Variants in EPHA2 observed in about 807,000 individuals in gnomAD.
The protein encoded by EPHA2 is EPH receptor A2, also known as ephrin type-A receptor 2.
A neutral mutation model predicts 104.9 loss-of-function variants in EPHA2; 54 were observed. The ratio of observed to expected loss-of-function variants is 0.51; its 90% CI spans 0.41 to 0.65. The LOEUF is 0.65. EPHA2 is among the 30% of genes least tolerant of loss of function. The pLI, the probability that EPHA2 is intolerant of heterozygous loss-of-function variation, is 0.00. For missense variants in EPHA2, 1,117 were observed against 1,369.5 expected, an observed-to-expected ratio of 0.82 and a Z score of 2.91; for synonymous variants, 560 against 559.1, an observed-to-expected ratio of 1.00 and a Z score of -0.02.
chr1:16,150,373 G>C lies in EPHA2; in HGVS notation c.153+523C>G, dbSNP rs1412588174. Reference sequence around the variant, plus strand: ...CTGGTCACATCAGGACGGCATAGAGGGGAAGACCTGGGTGAGAATGAGGCA... The same window carrying C: ...CTGGTCACATCAGGACGGCATAGAGCGGAAGACCTGGGTGAGAATGAGGCA... On this transcript the variant is annotated intron_variant, in intron 2 of 16. Coordinates refer to ENST00000358432, the MANE Select transcript of EPHA2 (RefSeq NM_004431.5). This position sits in a 1 kb window ranked among gnomAD's most constrained non-coding sequence, Gnocchi z 4.8. Among the ~76,000 whole-genome samples, 1 of 152,194 alleles carries C rather than the reference G, an allele frequency of 6.6e-6. No individual in the cohort carries two copies. The highest frequency in any genetic ancestry group is 1.5e-5 in the Non-Finnish European group (1 of 68,020).
In EPHA2 at chr1:16,148,893, C is replaced by T. The variant is rs749562190; in HGVS notation, c.308G>A (p.Arg103His). The change falls in exon 3 of 17, where the codon CGT (arginine) becomes CAT (histidine). Residue 103 changes from arginine to histidine, a missense_variant. Coordinates refer to ENST00000358432, the MANE Select transcript of EPHA2 (RefSeq NM_004431.5). This position sits in a 1 kb window ranked among gnomAD's most constrained non-coding sequence, Gnocchi z 4.9. Reference sequence around the variant, plus strand: ...GCCACCAGGGAAGCTGTTGCAGTCACGTACAGTAAACTTGAGCTCAATGAA... The same window carrying T: ...GCCACCAGGGAAGCTGTTGCAGTCATGTACAGTAAACTTGAGCTCAATGAA... ...RIFIELKFTV[R>H]DCNSFPGGAS... 5.0e-6 allele frequency: 8 copies of T among 1,614,018 alleles called. No homozygotes were observed. The highest frequency in any genetic ancestry group is 4.5e-5 in the East Asian group (2 of 44,902).
chr1:16,139,933 G>A (rs183925882), intron 3 of EPHA2, among the ~76,000 whole-genome samples: 45 of 152,282 alleles, frequency 3.0e-4, no homozygotes, highest in African/African-American at 1.1e-3. Flanking sequence ...AAGACCCTGG[G>A]GACAACCTGG....
Position 16,137,908 on chromosome 1 carries a change from T to G in EPHA2, c.1257A>C (p.Ser419=). The change falls in exon 5 of 17, where the codon TCA becomes TCC. Residue 419 remains serine, a synonymous_variant. Coordinates refer to ENST00000358432, the MANE Select transcript of EPHA2 (RefSeq NM_004431.5). ...GGAAGCTGCGGCTGGTTACCAGGCC[T>G]GAGACGCCATTGCGGGCCTCCACGG... ...TFTVEARNGV[S]GLVTSRSFRT... 1.2e-6 allele frequency: 2 copies of G among 1,614,014 alleles called. No homozygotes were observed. Among genetic ancestry groups the G allele is most frequent in the African/African-American group, 2.7e-5 (2 of 75,064 alleles).
At position 16,148,274 on chromosome 1, in the gene EPHA2, GT is replaced by G. The variant is rs1284945894; in HGVS notation, c.823+103del. 6.9e-7 allele frequency: 1 copy of G among 1,442,696 alleles called. No homozygotes were observed. Among genetic ancestry groups the G allele is most frequent in the East Asian group, 2.3e-5 (1 of 44,104 alleles). The allele number at this position is 1,442,696 out of a possible 1,614,324, so 89.4% of individuals were successfully genotyped here. A position where few individuals can be genotyped will look rare whatever the true frequency, so the allele number is the denominator to read the frequency against. On this transcript the variant is annotated intron_variant, in intron 3 of 16. Transcript: ENST00000358432. The surrounding 1 kb of genome is among the most constrained non-coding windows in gnomAD (Gnocchi z 4.9). ...ATTTCCACTAACAGAACTAATGTGTGTCAAAGCAGGGATGAGCTTACCAAGA... is the reference window on the plus strand; with the variant it reads ...ATTTCCACTAACAGAACTAATGTGTGCAAAGCAGGGATGAGCTTACCAAGA...
Position 16,124,468 on chromosome 1 carries a change from T to A in EPHA2, c.*747A>T, listed in dbSNP as rs879068624. ...AACAAAATCTTTAACACTGACAGAATAGAAACTTATCCAAAAGGATGAGAG... is the reference window on the plus strand; with the variant it reads ...AACAAAATCTTTAACACTGACAGAAAAGAAACTTATCCAAAAGGATGAGAG... On this transcript the variant is annotated 3_prime_UTR_variant, in exon 17 of 17. Coordinates refer to ENST00000358432, the MANE Select transcript of EPHA2 (RefSeq NM_004431.5). 1.3e-5 allele frequency: 2 copies of A among 152,566 alleles called. No individual in the cohort carries two copies. Among genetic ancestry groups the A allele is most frequent in the Non-Finnish European group, 1.5e-5 (1 of 68,012 alleles). 9.5% of individuals were successfully genotyped at this position (152,566 alleles called of 1,614,324 possible). A position where few individuals can be genotyped will look rare whatever the true frequency, so the allele number is the denominator to read the frequency against.
In EPHA2 at chr1:16,135,158, G is replaced by C; in HGVS notation, c.1460C>G (p.Thr487Ser). 1 of 1,614,000 alleles carries C rather than the reference G, an allele frequency of 6.2e-7. No homozygotes were observed. Among genetic ancestry groups the C allele is most frequent in the Non-Finnish European group, 8.5e-7 (1 of 1,180,008 alleles). Reference sequence around the variant, plus strand: ...GTCCAGGGTCACGGAGAAACCCTCGGTGCGGCGCACATTGTAGCTGTTGGA... The same window carrying C: ...GTCCAGGGTCACGGAGAAACCCTCGCTGCGGCGCACATTGTAGCTGTTGGA... ...GDSNSYNVRR[T>S]EGFSVTLDDL... is the part of the protein sequence containing the mutation. Residue 487 changes from threonine (T) to serine (S), a missense_variant, in exon 7 of 17, where the codon ACC (threonine) becomes AGC (serine). By Grantham distance (58) the Thr-to-Ser change is moderately conservative. This residue lies in a region of EPHA2 where 664 missense variants were observed against 784.8 expected (regional missense o/e 0.85). Coordinates refer to ENST00000358432, the MANE Select transcript of EPHA2 (RefSeq NM_004431.5). This position sits in a 1 kb window ranked among gnomAD's most constrained non-coding sequence, Gnocchi z 4.3.
intron 15 of EPHA2, among the ~76,000 whole-genome samples, chr1:16,129,878 C>T (rs878883931): frequency 6.6e-6 from 1 of 152,240 alleles, no homozygotes; most frequent in Non-Finnish European, 1.5e-5. Flanking sequence ...CCTGAGGTCA[C>T]AATCCCAGCC....
At chr1:16,140,860 CA>C (rs1242798696) in intron 3 of EPHA2, among the ~76,000 whole-genome samples, 3 of 152,158 alleles carry the variant, frequency 2.0e-5, no homozygotes, top group African/African-American at 7.2e-5. Context: ...CTCGGCCTCC[CA>C]AAGTGCTGGG....
In EPHA2 at chr1:16,155,958, T is replaced by C; in HGVS notation, c.-26A>G. On this transcript the variant is annotated 5_prime_UTR_variant, in exon 1 of 17. Transcript: ENST00000358432. ...GCCGCGCTTCTCGCTCTCGGTCCGA[T>C]CCCCCCGAGCCCGGCTCCCGCACAC... 6.8e-7 allele frequency: 1 copy of C among 1,480,100 alleles called. No homozygotes were observed. The highest frequency in any genetic ancestry group is 8.9e-7 in the Non-Finnish European group (1 of 1,122,306). The allele number at this position is 1,480,100 out of a possible 1,614,324, so 91.7% of individuals were successfully genotyped here.
At chr1:16,147,546 G>GT (rs1029947346) in intron 3 of EPHA2, among the ~76,000 whole-genome samples, 2 of 151,890 alleles carry the variant, frequency 1.3e-5, no homozygotes, top group African/African-American at 4.8e-5. Context: ...GTACTCCACC[G>GT]TGGGACCACA....
At chr1:16,147,503 G>A (rs1474399605) in intron 3 of EPHA2, among the ~76,000 whole-genome samples, 3 of 152,034 alleles carry the variant, frequency 2.0e-5, no homozygotes, top group Non-Finnish European at 4.4e-5. Flanking sequence ...AGGCCACATA[G>A]TGAGCTGATA....
chr1:16,150,336 C>T lies in EPHA2; in HGVS notation c.153+560G>A, dbSNP rs1230797504. On this transcript the variant is annotated intron_variant, in intron 2 of 16. Transcript: ENST00000358432. This position sits in a 1 kb window ranked among gnomAD's most constrained non-coding sequence, Gnocchi z 4.8. ...CAGCCAGGGGAAGAACCCCCAGCCCCTGCCCCCATTCCTGGTCACATCAGG... is the reference window on the plus strand; with the variant it reads ...CAGCCAGGGGAAGAACCCCCAGCCCTTGCCCCCATTCCTGGTCACATCAGG... Among the ~76,000 whole-genome samples, 1 of 152,204 alleles carries T rather than the reference C, an allele frequency of 6.6e-6. No individual in the cohort carries two copies. Among genetic ancestry groups the T allele is most frequent in the Non-Finnish European group, 1.5e-5 (1 of 68,036 alleles).
At chr1:16,139,863 T>C (rs2124233861) in intron 3 of EPHA2, among the ~76,000 whole-genome samples, 1 of 152,240 alleles carries the variant, frequency 6.6e-6, no homozygotes, top group South Asian at 2.1e-4. Flanking sequence ...GGAGGTCTGA[T>C]GTGGAGAAGT....
chr1:16,134,912 C>A lies in EPHA2; in HGVS notation c.1582+124G>T. On this transcript the variant is annotated intron_variant, in intron 7 of 16. Coordinates refer to ENST00000358432, the MANE Select transcript of EPHA2 (RefSeq NM_004431.5). This position sits in a 1 kb window ranked among gnomAD's most constrained non-coding sequence, Gnocchi z 4.5. ...TGGGGGCAGTCCCCGAAGGGCTGTC[C>A]CAGGCCGCCGGTGACCGAGAAAGGG... is the stretch of plus-strand genomic sequence containing the variant. 1 of 1,497,924 alleles carries A rather than the reference C, an allele frequency of 6.7e-7. No individual in the cohort carries two copies. The highest frequency in any genetic ancestry group is 9.0e-7 in the Non-Finnish European group (1 of 1,106,324). The allele number at this position is 1,497,924 out of a possible 1,614,324, so 92.8% of individuals were successfully genotyped here.
chr1:16,132,860 G>A (rs1285546525), intron 11 of EPHA2, among the ~76,000 whole-genome samples: 18 of 131,400 alleles, frequency 1.4e-4, no homozygotes, highest in Admixed American at 5.9e-4. Flanking sequence ...GTGCAGGTAT[G>A]GGGGGAAGGT....
rs1354339946 is a variant in EPHA2 at position 16,148,703 on chromosome 1, C to T, written c.498G>A (p.Glu166=). The change falls in exon 3 of 17, where the codon GAG becomes GAA. Residue 166 remains glutamate, a synonymous_variant. Coordinates refer to ENST00000358432, the MANE Select transcript of EPHA2 (RefSeq NM_004431.5). This position sits in a 1 kb window ranked among gnomAD's most constrained non-coding sequence, Gnocchi z 4.9. ...FEARHVKLNV[E]ERSVGPLTRK... is the part of the protein sequence containing the mutation. ...GGGTGAGCGGCCCCACGGAGCGCTC[C>T]TCCACGTTCAGCTTCACGTGGCGTG... is the stretch of plus-strand genomic sequence containing the variant. 1.2e-6 allele frequency: 2 copies of T among 1,613,024 alleles called. No individual in the cohort carries two copies. Among genetic ancestry groups the T allele is most frequent in the Admixed American group, 3.3e-5 (2 of 60,026 alleles).
At position 16,135,486 on chromosome 1, in the gene EPHA2, C is replaced by A. The variant is rs1300240571; in HGVS notation, c.1428+169G>T. ...ATGTCTTCTCTCGTACAAATCTCTG[C>A]TGTGCTGCCTTGGGAGATGTAACCC... On this transcript the variant is annotated intron_variant, in intron 6 of 16. Coordinates refer to ENST00000358432, the MANE Select transcript of EPHA2 (RefSeq NM_004431.5). This position sits in a 1 kb window ranked among gnomAD's most constrained non-coding sequence, Gnocchi z 4.3. 2.6e-6 allele frequency: 2 copies of A among 760,620 alleles called. No homozygotes were observed. Among genetic ancestry groups the A allele is most frequent in the Admixed American group, 2.0e-5 (1 of 49,658 alleles). 47.1% of individuals were successfully genotyped at this position (760,620 alleles called of 1,614,324 possible). A position where few individuals can be genotyped will look rare whatever the true frequency, so the allele number is the denominator to read the frequency against.
At position 16,148,810 on chromosome 1, in the gene EPHA2, C is replaced by T. The variant is rs774540853; in HGVS notation, c.391G>A (p.Gly131Ser). ...LYYAESDLDYGTNFQKRLFTK... is the reference protein window; with the variant it reads ...LYYAESDLDYSTNFQKRLFTK... Reference sequence around the variant, plus strand: ...AACAGGCGCTTCTGGAAGTTGGTGCCGTAGTCCAGGTCCGACTCGGCATAG... The same window carrying T: ...AACAGGCGCTTCTGGAAGTTGGTGCTGTAGTCCAGGTCCGACTCGGCATAG... The change falls in exon 3 of 17, where the codon GGC becomes AGC. Residue 131 changes from glycine (G) to serine (S), a missense_variant. Gly to Ser is a moderately conservative substitution (Grantham distance 56). Coordinates refer to ENST00000358432, the MANE Select transcript of EPHA2 (RefSeq NM_004431.5). The surrounding 1 kb of genome is among the most constrained non-coding windows in gnomAD (Gnocchi z 4.9). 11 of 1,614,032 alleles carry T rather than the reference C, an allele frequency of 6.8e-6. No individual in the cohort carries two copies. The highest frequency in any genetic ancestry group is 1.7e-5 in the Admixed American group (1 of 60,006).
rs2124195124 is a variant in EPHA2, at chr1:16,130,265, G to A, written c.2630C>T (p.Ala877Val). 6.2e-7 allele frequency: 1 copy of A among 1,613,994 alleles called. No individual in the cohort carries two copies. The highest frequency in any genetic ancestry group is 8.5e-7 in the Non-Finnish European group (1 of 1,179,914). ...IVSILDKLIR[A>V]PDSLKTLADF... is the part of the protein sequence containing the mutation. Reference sequence around the variant, plus strand: ...AGCCAGGGTCTTGAGGGAGTCAGGGGCACGAATGAGCTTGTCCAGGATGCT... The same window carrying A: ...AGCCAGGGTCTTGAGGGAGTCAGGGACACGAATGAGCTTGTCCAGGATGCT... The change falls in exon 15 of 17, where the codon GCC becomes GTC. Residue 877 changes from alanine to valine, a missense_variant. Physicochemically the swap from Ala to Val is moderately conservative, Grantham distance 64 (BLOSUM62 0). Coordinates refer to ENST00000358432, the MANE Select transcript of EPHA2 (RefSeq NM_004431.5). This position sits in a 1 kb window ranked among gnomAD's most constrained non-coding sequence, Gnocchi z 4.5.
Sources: gnomAD v4.1 joint callset for allele counts (sites outside exome capture counted in the v4.1 genomes callset) on GRCh38, gnomAD v4.1.1 for gene constraint, gnomAD v4.1.1 regional missense constraint, Gnocchi (gnomAD v3.1) non-coding constraint, MANE v1.5 for transcripts, NCBI Gene and HGNC (gene_info 2026-07-23, HGNC 2026-07-21) for gene names.